The following VPS53 variants were observed in gnomAD, a reference collection of about 807,000 sequenced individuals.
VPS53 encodes vacuolar protein sorting-associated protein 53 homolog.
Under a neutral mutation model 107.0 loss-of-function variants are expected in VPS53, and 70 were observed. The ratio of observed to expected loss-of-function variants is 0.65; its 90% CI spans 0.54 to 0.80. The LOEUF (loss-of-function observed/expected upper bound fraction) is 0.80, where lower values mean the gene tolerates loss of function less well. VPS53 is among the 30% of genes least tolerant of loss of function. The probability of loss-of-function intolerance (pLI) is 0.00; values close to 1 mark genes in which losing one functional copy is unlikely to be tolerated. For synonymous variants in VPS53, 409 were observed against 393.3 expected (o/e 1.04, Z -0.47); for missense variants, 917 against 1,049.4 (o/e 0.87, Z 1.74).
At chr17:557,466 G>T (rs1912544206) in intron 15 of VPS53, among the ~76,000 whole-genome samples, 1 of 152,030 alleles carries the variant, frequency 6.6e-6, no homozygotes, top group Non-Finnish European at 1.5e-5. Context: ...GGGGTTGGGG[G>T]GACACTTCAA....
At chr17:597,604 G>A (rs1249389836) in intron 12 of VPS53, among the ~76,000 whole-genome samples, 7 of 152,122 alleles carry the variant, frequency 4.6e-5, no homozygotes, top group African/African-American at 1.4e-4. Flanking sequence ...GTGCAATGGC[G>A]TGATCTCGGC....
chr17:624,018 T>G (rs1440377556), intron 10 of VPS53, among the ~76,000 whole-genome samples: 1 of 116,608 alleles, frequency 8.6e-6, no homozygotes, highest in East Asian at 3.7e-4. Flanking sequence ...CAAATGATTC[T>G]TTTTTTTTTT....
intron 4 of VPS53, among the ~76,000 whole-genome samples, chr17:679,360 A>C (rs1042325239): frequency 6.6e-6 from 1 of 151,998 alleles, no homozygotes; most frequent in African/African-American, 2.4e-5. Context: ...CTAAAAATAC[A>C]AAAATTAGCC....
chr17:672,679 A>C (rs1460485666), intron 4 of VPS53, among the ~76,000 whole-genome samples: 1 of 152,254 alleles, frequency 6.6e-6, no homozygotes, highest in Non-Finnish European at 1.5e-5. Context: ...CATTCATTCA[A>C]TTAAAAAGTG....
chr17:685,579 A>G (rs73976858), intron 4 of VPS53, among the ~76,000 whole-genome samples: 3,865 of 152,226 alleles, frequency 0.025, 61 homozygotes, highest in East Asian at 0.07. Context: ...ACGGTAGGCT[A>G]AGCTATGATG....
chr17:626,217 A>G (rs1432279271), intron 10 of VPS53, among the ~76,000 whole-genome samples: 2 of 152,084 alleles, frequency 1.3e-5, no homozygotes, highest in Non-Finnish European at 2.9e-5. Flanking sequence ...TCAAAAAAAA[A>G]AAAAAGTCTG....
At chr17:637,202 C>CA (rs1212978577) in intron 7 of VPS53, among the ~76,000 whole-genome samples, 2 of 152,190 alleles carry the variant, frequency 1.3e-5, no homozygotes, top group African/African-American at 4.8e-5. Context: ...AGTTTATTTG[C>CA]ATAGGGGTGT....
chr17:714,420 A>G (rs568081720), intron 1 of VPS53: 1 of 584,232 alleles, frequency 1.7e-6, no homozygotes, highest in South Asian at 2.0e-5. Context: ...CTCGCCAAAG[A>G]CAATCAAAGC....
intron 7 of VPS53, among the ~76,000 whole-genome samples, chr17:637,010 A>G (rs1216704673): frequency 2.6e-5 from 4 of 152,050 alleles, no homozygotes; most frequent in African/African-American, 9.7e-5. Flanking sequence ...TCCTCCTTGT[A>G]CCTCTGGTAG....
chr17:541,929 G>A (rs887789235), intron 17 of VPS53, among the ~76,000 whole-genome samples: 3 of 147,576 alleles, frequency 2.0e-5, no homozygotes, highest in Non-Finnish European at 4.4e-5. Flanking sequence ...CTGAAGGAAC[G>A]TTTATCAAGC....
rs773880545 is a variant in VPS53, at chr17:627,133, A to T, written c.974+41T>A. Reference sequence around the variant, plus strand: ...TAGAGACTGGGGAACCGATGGTGAAAATTTGATTAACCACAGAACCAGTAG... The same window carrying T: ...TAGAGACTGGGGAACCGATGGTGAATATTTGATTAACCACAGAACCAGTAG... On this transcript the variant is annotated intron_variant, in intron 10 of 21. Transcript: ENST00000437048. 1.0e-5 allele frequency: 16 copies of T among 1,585,034 alleles called. No individual in the cohort carries two copies. The South Asian group carries it at 1.8e-4, about 18-fold the overall frequency.
At chr17:597,722 A>G (rs1273376985) in intron 12 of VPS53, among the ~76,000 whole-genome samples, 1 of 151,660 alleles carries the variant, frequency 6.6e-6, no homozygotes, top group Non-Finnish European at 1.5e-5. Context: ...TTGTATTTTT[A>G]GTATGGTTTC....
At chr17:635,528 A>C (rs933404276) in intron 7 of VPS53, among the ~76,000 whole-genome samples, 5 of 152,148 alleles carry the variant, frequency 3.3e-5, no homozygotes, top group African/African-American at 1.2e-4. Context: ...TTATGGTTTT[A>C]GGTCTAACAT....
intron 4 of VPS53, among the ~76,000 whole-genome samples, chr17:682,387 C>T (rs1185128562): frequency 1.3e-5 from 2 of 152,166 alleles, no homozygotes; most frequent in African/African-American, 4.8e-5. Flanking sequence ...TTTCTTGAAC[C>T]TAGCAGAGAG....
At chr17:554,791 G>A (rs1912187913) in intron 15 of VPS53, among the ~76,000 whole-genome samples, 1 of 152,130 alleles carries the variant, frequency 6.6e-6, no homozygotes, top group South Asian at 2.1e-4. Flanking sequence ...TAAACTTTTT[G>A]GAAGGCAATT....
At chr17:555,301 C>T (rs1231922925) in intron 15 of VPS53, among the ~76,000 whole-genome samples, 1 of 152,202 alleles carries the variant, frequency 6.6e-6, no homozygotes, top group Non-Finnish European at 1.5e-5. Context: ...CCTTATTCCT[C>T]TCCCTGAAAC....
intron 6 of VPS53, among the ~76,000 whole-genome samples, chr17:653,802 G>A (rs1971059111): frequency 6.6e-6 from 1 of 152,154 alleles, no homozygotes; most frequent in African/African-American, 2.4e-5. Flanking sequence ...AGCAAGCTTG[G>A]GACAGAGAAC....
At chr17:597,703 C>T (rs984191859) in intron 12 of VPS53, among the ~76,000 whole-genome samples, 3 of 151,938 alleles carry the variant, frequency 2.0e-5, no homozygotes, top group Non-Finnish European at 2.9e-5. Flanking sequence ...CCACCACGCC[C>T]GGCTAATTTT....
intron 5 of VPS53, among the ~76,000 whole-genome samples, chr17:661,077 C>G (rs1270980215): frequency 3.9e-5 from 6 of 152,108 alleles, no homozygotes; most frequent in Non-Finnish European, 7.4e-5. Context: ...CTCCCTCCAT[C>G]CCTCCCTCCT....
Sources: gnomAD v4.1 joint callset for allele counts (sites outside exome capture counted in the v4.1 genomes callset) on GRCh38, gnomAD v4.1.1 for gene constraint, MANE v1.5 for transcripts, NCBI Gene and HGNC (gene_info 2026-07-23, HGNC 2026-07-21) for gene names.